EVI5: variants seen among roughly 807,000 people sequenced by gnomAD.
The protein encoded by EVI5 is ecotropic viral integration site 5 protein homolog.
A neutral mutation model predicts 112.0 loss-of-function variants in EVI5; 73 were observed. That is an observed-to-expected ratio of 0.65 (90% CI 0.54 to 0.79). The LOEUF is 0.79. Ranked by LOEUF, EVI5 falls within the 30% of genes least tolerant of loss-of-function variation. The probability of loss-of-function intolerance (pLI) is 0.00; values close to 1 mark genes in which losing one functional copy is unlikely to be tolerated. For synonymous variants in EVI5, 305 were observed against 319.9 expected (o/e 0.95, Z 0.50); for missense variants, 900 against 968.8 (o/e 0.93, Z 0.94).
At chr1:92,594,148 C>A (rs1432485210) in intron 18 of EVI5, among the ~76,000 whole-genome samples, 1 of 152,164 alleles carries the variant, frequency 6.6e-6, no homozygotes. Flanking sequence ...AGGCACCATC[C>A]CACCTGACTT....
chr1:92,581,289 T>C (rs1229372489), intron 18 of EVI5, among the ~76,000 whole-genome samples: 1 of 152,244 alleles, frequency 6.6e-6, no homozygotes, highest in East Asian at 1.9e-4. Flanking sequence ...TTAAATATCT[T>C]GTACTACCTA....
At chr1:92,655,285 CAGA>C (rs967342253) in intron 13 of EVI5, among the ~76,000 whole-genome samples, 4 of 151,276 alleles carry the variant, frequency 2.6e-5, no homozygotes, top group Non-Finnish European at 5.9e-5. Context: ...GACATACTGG[CAGA>C]AACTTTACAA....
intron 2 of EVI5, among the ~76,000 whole-genome samples, chr1:92,708,667 A>G (rs1019904376): frequency 5.3e-5 from 8 of 152,232 alleles, no homozygotes; most frequent in African/African-American, 1.9e-4. Flanking sequence ...ATATACAAGC[A>G]TTCACAGAAA....
chr1:92,745,842 T>C (rs997061465), intron 1 of EVI5, among the ~76,000 whole-genome samples: 3 of 152,214 alleles, frequency 2.0e-5, no homozygotes, highest in African/African-American at 7.2e-5. Flanking sequence ...TATATATTCC[T>C]GTAGGTCAAA....
intron 18 of EVI5, among the ~76,000 whole-genome samples, chr1:92,575,843 C>T (rs547028262): frequency 6.6e-6 from 1 of 151,932 alleles, no homozygotes; most frequent in Non-Finnish European, 1.5e-5. Context: ...GGATTACAGG[C>T]ATAATCCCAG....
At chr1:92,752,934 G>A (rs756488357) in intron 1 of EVI5, among the ~76,000 whole-genome samples, 2 of 152,072 alleles carry the variant, frequency 1.3e-5, no homozygotes, top group African/African-American at 2.4e-5. Flanking sequence ...AATAGACATG[G>A]TCCTTTCCCT....
chr1:92,777,999 C>T (rs779532209), intron 1 of EVI5, among the ~76,000 whole-genome samples: 1 of 151,866 alleles, frequency 6.6e-6, no homozygotes, highest in Non-Finnish European at 1.5e-5. Context: ...ACCTCCACCT[C>T]CTGGGTTCAA....
chr1:92,695,701 G>C (rs1397955958), intron 6 of EVI5, among the ~76,000 whole-genome samples: 1 of 151,962 alleles, frequency 6.6e-6, no homozygotes, highest in African/African-American at 2.4e-5. Flanking sequence ...CTGAATAAAA[G>C]TTTTATATTT....
intron 19 of EVI5, among the ~76,000 whole-genome samples, chr1:92,517,925 T>C (rs903316863): frequency 3.0e-5 from 4 of 132,996 alleles, no homozygotes; most frequent in African/African-American, 5.9e-5. Context: ...GGAGACACGG[T>C]CTGGCACTGT....
intron 4 of EVI5, among the ~76,000 whole-genome samples, chr1:92,702,707 G>A (rs1284183527): frequency 4.6e-5 from 7 of 151,530 alleles, no homozygotes; most frequent in Admixed American, 4.6e-4. Flanking sequence ...TAGGGAGGCT[G>A]AGGCAGGAGA....
intron 18 of EVI5, among the ~76,000 whole-genome samples, chr1:92,589,154 T>G (rs775141894): frequency 2.0e-4 from 30 of 152,146 alleles, no homozygotes; most frequent in Non-Finnish European, 3.7e-4. Context: ...TATGGCCGAA[T>G]AGGAACACCT....
intron 13 of EVI5, among the ~76,000 whole-genome samples, chr1:92,655,705 TCAA>T (rs1371268625): frequency 6.6e-6 from 1 of 151,860 alleles, no homozygotes; most frequent in Admixed American, 6.6e-5. Flanking sequence ...AGACTTTAAA[TCAA>T]CAACAGTGAA....
chr1:92,587,611 C>T (rs1673027634), intron 18 of EVI5, among the ~76,000 whole-genome samples: 1 of 152,190 alleles, frequency 6.6e-6, no homozygotes, highest in Non-Finnish European at 1.5e-5. Context: ...AAACCTAGCA[C>T]CCTCATTCTA....
At chr1:92,735,489 C>G (rs1340198813) in intron 2 of EVI5, among the ~76,000 whole-genome samples, 1 of 151,348 alleles carries the variant, frequency 6.6e-6, no homozygotes, top group East Asian at 1.9e-4. Flanking sequence ...AACAATACAT[C>G]AAAAAACCTG....
chr1:92,571,447 C>A (rs1198953878), intron 18 of EVI5, among the ~76,000 whole-genome samples: 1 of 151,890 alleles, frequency 6.6e-6, no homozygotes, highest in Admixed American at 6.6e-5. Context: ...AGTGAGATGT[C>A]CTAAATGCTA....
chr1:92,661,161 C>T (rs1458979609), intron 13 of EVI5, among the ~76,000 whole-genome samples: 2 of 151,872 alleles, frequency 1.3e-5, no homozygotes, highest in African/African-American at 4.8e-5. Flanking sequence ...GGAGTGGTGG[C>T]GGTGGATGCT....
intron 1 of EVI5, among the ~76,000 whole-genome samples, chr1:92,739,425 T>C (rs955386465): frequency 1.1e-4 from 16 of 152,082 alleles, no homozygotes; most frequent in African/African-American, 3.9e-4. Context: ...GATCAGTAAT[T>C]TCCAGGGCCT....
chr1:92,536,915 G>C (rs2101909933), intron 19 of EVI5, among the ~76,000 whole-genome samples: 1 of 151,960 alleles, frequency 6.6e-6, no homozygotes, highest in African/African-American at 2.4e-5. Context: ...TTTAACATTG[G>C]GGTAATGGAA....
chr1:92,677,241 T>A (rs1296686977), intron 9 of EVI5, 23 bp from the exon 10 acceptor site: 2 of 1,334,538 alleles, frequency 1.5e-6, no homozygotes, highest in Non-Finnish European at 2.1e-6. Context: ...AAAAAAAGAG[T>A]TAAAGGTAAT....
Sources: gnomAD v4.1 joint callset for allele counts (sites outside exome capture counted in the v4.1 genomes callset) on GRCh38, gnomAD v4.1.1 for gene constraint, MANE v1.5 for transcripts, NCBI Gene and HGNC (gene_info 2026-07-23, HGNC 2026-07-21) for gene names.